The following PATJ variants were observed in gnomAD, a reference collection of about 807,000 sequenced individuals.
The protein encoded by PATJ is inaD-like protein.
A neutral mutation model predicts 224.9 loss-of-function variants in PATJ; 190 were observed. That is an observed-to-expected ratio of 0.84 (90% CI 0.75 to 0.95). PATJ has a LOEUF of 0.95. Among genes scored for constraint, PATJ ranks in the 40% least tolerant of loss-of-function variants. The pLI is 0.00. For synonymous variants in PATJ, 769 were observed against 820.3 expected, an observed-to-expected ratio of 0.94 and a Z score of 1.07; for missense variants, 2,121 against 2,270.3, an observed-to-expected ratio of 0.93 and a Z score of 1.34.
In PATJ at chr1:62,038,408, A is replaced by G. The variant is rs147767463; in HGVS notation, c.4032+359A>G. On this transcript the variant is annotated intron_variant, in intron 30 of 43. Transcript: ENST00000642238. ...TAATACCTGTGATCAAGGTGTCTTTAAATAATTGCTTTCATCTGTGAATGG... is the reference window on the plus strand; with the variant it reads ...TAATACCTGTGATCAAGGTGTCTTTGAATAATTGCTTTCATCTGTGAATGG... The G allele has an allele frequency of 9.0e-4, 144 of 160,766 alleles. 2 individuals are homozygous for G. In the South Asian group the frequency reaches 0.023, roughly 26 times the overall value. 10.0% of individuals were successfully genotyped at this position (160,766 alleles called of 1,614,324 possible).
intron 30 of PATJ, among the ~76,000 whole-genome samples, chr1:62,047,493 A>G (rs1046521461): frequency 3.3e-5 from 5 of 151,840 alleles, no homozygotes; most frequent in Non-Finnish European, 5.9e-5. Flanking sequence ...CTCGTGATCC[A>G]CCCGTCTCAG....
intron 27 of PATJ, among the ~76,000 whole-genome samples, chr1:61,942,131 T>C (rs1677908388): frequency 6.6e-6 from 1 of 152,204 alleles, no homozygotes; most frequent in African/African-American, 2.4e-5. Flanking sequence ...TTTGCAGGAT[T>C]CCTAGTATTT....
intron 31 of PATJ, among the ~76,000 whole-genome samples, chr1:62,062,392 CTTTTTTTTTT>C (rs60747316): frequency 3.5e-4 from 10 of 28,458 alleles, no homozygotes; most frequent in East Asian, 1.1e-3. Flanking sequence ...ATGTTGTCTT[CTTTTTTTTTT>C]TTTTTTTTTT....
At chr1:61,793,726 A>C (rs2148523913) in intron 9 of PATJ, among the ~76,000 whole-genome samples, 1 of 151,584 alleles carries the variant, frequency 6.6e-6, no homozygotes, top group Admixed American at 6.6e-5. Flanking sequence ...CTGTTTCAAA[A>C]AAAAAAAAAA....
chr1:62,063,856 T>C (rs1385209217), intron 31 of PATJ, among the ~76,000 whole-genome samples: 1 of 152,232 alleles, frequency 6.6e-6, no homozygotes, highest in African/African-American at 2.4e-5. Context: ...TGATTTTGTG[T>C]CTTGAAACTT....
chr1:61,779,856 G>A (rs1433863037), intron 7 of PATJ, among the ~76,000 whole-genome samples: 1 of 152,174 alleles, frequency 6.6e-6, no homozygotes, highest in African/African-American at 2.4e-5. Flanking sequence ...ATGGTGGAAG[G>A]TGAAGGAGAG....
At chr1:61,824,213 A>G (rs1184091889) in intron 15 of PATJ, among the ~76,000 whole-genome samples, 2 of 144,056 alleles carry the variant, frequency 1.4e-5, no homozygotes, top group African/African-American at 5.1e-5. Flanking sequence ...TGGAGGTATG[A>G]GTATAACCAA....
intron 41 of PATJ, among the ~76,000 whole-genome samples, chr1:62,135,852 C>A (rs1666802903): frequency 6.6e-6 from 1 of 151,982 alleles, no homozygotes; most frequent in African/African-American, 2.4e-5. Flanking sequence ...CTAACATAGG[C>A]TTGAAGTTAG....
intron 28 of PATJ, among the ~76,000 whole-genome samples, chr1:61,992,040 T>C (rs10493317): frequency 0.064 from 9,797 of 151,938 alleles, 716 homozygotes; most frequent in East Asian, 0.39. Context: ...TGAATAAGTG[T>C]GGATAAGAAC....
intron 29 of PATJ, among the ~76,000 whole-genome samples, chr1:62,028,782 T>TA (rs987942699): frequency 9.3e-5 from 14 of 150,732 alleles, no homozygotes; most frequent in East Asian, 1.9e-4. Context: ...AGACTGTGTT[T>TA]AAAAAAAAAG....
intron 28 of PATJ, among the ~76,000 whole-genome samples, chr1:61,998,325 C>T (rs1298751101): frequency 6.6e-6 from 1 of 151,846 alleles, no homozygotes; most frequent in Non-Finnish European, 1.5e-5. Flanking sequence ...CTTAAGTGAT[C>T]TGCCTGCCTC....
intron 1 of PATJ, among the ~76,000 whole-genome samples, chr1:61,745,493 C>T (rs934787731): frequency 7.9e-5 from 12 of 152,152 alleles, no homozygotes; most frequent in Middle Eastern, 6.8e-3. Flanking sequence ...AGGCTGGTCT[C>T]GAACTCCTGA....
chr1:61,901,445 G>A lies in PATJ; in HGVS notation c.3367G>A (p.Asp1123Asn). ...GAAGACGAACGCACTTAAAACTGGA[G>A]ATAAAATACTTGAGGTAAATGATGT... ...AGKTNALKTG[D>N]KILEVSGVDL... Residue 1123 changes from aspartate (D) to asparagine (N), a missense_variant, in exon 24 of 44, where the codon GAT (aspartate) becomes AAT (asparagine). By Grantham distance (23) the Asp-to-Asn change is conservative. Transcript: ENST00000642238. 6.3e-7 allele frequency: 1 copy of A among 1,580,602 alleles called. No homozygotes were observed. The highest frequency in any genetic ancestry group is 8.6e-7 in the Non-Finnish European group (1 of 1,168,336).
At chr1:61,790,992 C>G (rs760000859) in intron 8 of PATJ, among the ~76,000 whole-genome samples, 1 of 152,218 alleles carries the variant, frequency 6.6e-6, no homozygotes, top group Non-Finnish European at 1.5e-5. Context: ...AGACCTCTTT[C>G]GGCTCCTTAA....
rs763104823 is a variant in PATJ at position 62,095,302 on chromosome 1, C to A, written c.4377+10654C>A. ...AGGTCCTGCATGCTCTTGTGAGATA[C>A]TGAAATTAAGTAGTGCTTAATCTTT... On this transcript the variant is annotated intron_variant, in intron 33 of 43. Coordinates refer to ENST00000642238, the MANE Select transcript of PATJ (RefSeq NM_001350145.3). Among the ~76,000 whole-genome samples the A allele has an allele frequency of 2.6e-5, 4 of 152,122 alleles. No homozygotes were observed. The East Asian group carries it at 7.7e-4, about 29-fold the overall frequency.
At chr1:61,841,494 A>C (rs1661076272) in intron 17 of PATJ, among the ~76,000 whole-genome samples, 1 of 152,128 alleles carries the variant, frequency 6.6e-6, no homozygotes, top group African/African-American at 2.4e-5. Flanking sequence ...CAGAATCTAA[A>C]ATATAAAGGA....
At chr1:61,779,598 T>C (rs78142778) in intron 7 of PATJ, among the ~76,000 whole-genome samples, 27,546 of 152,206 alleles carry the variant, frequency 0.18, 2,891 homozygotes, top group Non-Finnish European at 0.24. Context: ...AATTTAACTG[T>C]TATACCATCA....
At chr1:62,151,200 C>T (rs920010695) in intron 42 of PATJ, among the ~76,000 whole-genome samples, 5 of 152,320 alleles carry the variant, frequency 3.3e-5, no homozygotes, top group East Asian at 1.9e-4. Context: ...TAGCATAGAT[C>T]GTCAGCAGTA....
chr1:61,927,675 G>C, intron 26 of PATJ, 55 bp from the exon 27 acceptor site: 1 of 1,090,920 alleles, frequency 9.2e-7, no homozygotes, highest in South Asian at 1.4e-5. Flanking sequence ...TGTCATTGAA[G>C]AAAGAGCATT....
Sources: allele counts gnomAD v4.1 joint callset (sites outside exome capture counted in the v4.1 genomes callset), GRCh38; gene constraint gnomAD v4.1.1; transcripts MANE v1.5; gene names NCBI Gene and HGNC (gene_info 2026-07-23, HGNC 2026-07-21).